The following DDB1 variants were observed in gnomAD, a reference collection of about 807,000 sequenced individuals.
The protein encoded by DDB1 is DNA damage-binding protein 1.
In DDB1, 18 loss-of-function variants were observed where a neutral mutation model predicts 133.1. The observed-to-expected ratio is 0.14, with a 90% CI of 0.09 to 0.20. The LOEUF is 0.20. Ranked by LOEUF, DDB1 falls within the 10% of genes least tolerant of loss-of-function variation. The pLI is 1.00. For synonymous variants in DDB1, 580 were observed against 550.5 expected (o/e 1.05, Z -0.75); for missense variants, 828 against 1,459.2 (o/e 0.57, Z 7.05).
chr11:61,314,420 G>C lies in DDB1; in HGVS notation c.1477C>G (p.Pro493Ala), dbSNP rs1378513261. 2 of 1,614,064 alleles carry C rather than the reference G, an allele frequency of 1.2e-6. No homozygotes were observed. Among genetic ancestry groups the C allele is most frequent in the African/African-American group, 1.3e-5 (1 of 74,916 alleles). ...PKALVSEWKE[P>A]QAKNISVASC... Reference sequence around the variant, plus strand: ...GCCACACTGATGTTCTTGGCCTGAGGCTCCTTCCATTCACTGACCAGAGCT... The same window carrying C: ...GCCACACTGATGTTCTTGGCCTGAGCCTCCTTCCATTCACTGACCAGAGCT... Residue 493 changes from proline to alanine, a missense_variant, in exon 13 of 27, where the codon CCT becomes GCT. Physicochemically the swap from Pro to Ala is conservative, Grantham distance 27. Around this residue, in one of 7 missense-constraint regions of DDB1, gnomAD observed 396 missense variants for 554.1 expected, o/e 0.71. Transcript: ENST00000301764.
intron 16 of DDB1, 147 bp downstream of exon 16, chr11:61,313,352 G>T (rs1024138839): frequency 3.5e-5 from 25 of 706,834 alleles, no homozygotes; most frequent in Non-Finnish European, 5.1e-5. Flanking sequence ...TTTCTATTGG[G>T]TAGCCAGTTT....
chr11:61,329,828 C>T (rs1217168649), intron 3 of DDB1, 130 bp downstream of exon 3: 9 of 866,266 alleles, frequency 1.0e-5, no homozygotes, highest in African/African-American at 1.7e-5. Flanking sequence ...CTCCAAAAAG[C>T]TCAAACCCAT....
chr11:61,304,596 C>G lies in DDB1; in HGVS notation c.2662-561G>C, dbSNP rs376942706. ...AAGAGGGAAAAAGAAACTGTGCAGC[C>G]GGCCGCAGTGGCTCACGCCTGTAAT... On this transcript the variant is annotated intron_variant, in intron 21 of 26. Coordinates refer to ENST00000301764, the MANE Select transcript of DDB1 (RefSeq NM_001923.5). Among the ~76,000 whole-genome samples, 37 of 152,260 alleles carry G rather than the reference C, an allele frequency of 2.4e-4. No homozygotes were observed. The East Asian group carries it at 2.5e-3, about 10-fold the overall frequency.
intron 8 of DDB1, 191 bp downstream of exon 8, chr11:61,322,820 C>CA: frequency 1.7e-6 from 1 of 594,154 alleles, no homozygotes; most frequent in Non-Finnish European, 3.0e-6. Flanking sequence ...CCTTGCCTGG[C>CA]AAATTTGCTG....
intron 2 of DDB1, 55 bp from the exon 3 acceptor site, chr11:61,330,129 T>A: frequency 6.9e-7 from 1 of 1,439,950 alleles, no homozygotes. Flanking sequence ...AGGAACAACC[T>A]GTCCAGTCTT....
In DDB1 at chr11:61,333,040, T is replaced by C. The variant is rs550360727; in HGVS notation, c.-72A>G. The stretch of plus-strand genomic sequence containing the variant: ...AGAGGGACACAAGCGAAAAGACAGG[T>C]GGCCCCCAACAGCGCGCAGCGAACT... On this transcript the variant is annotated 5_prime_UTR_variant, in exon 1 of 27. Transcript: ENST00000301764. 9.4e-6 allele frequency: 13 copies of C among 1,380,724 alleles called. No homozygotes were observed. Among genetic ancestry groups the C allele is most frequent in the African/African-American group, 3.0e-5 (2 of 66,226 alleles). The allele number at this position is 1,380,724 out of a possible 1,614,324, so 85.5% of individuals were successfully genotyped here.
At chr11:61,328,376 C>T (rs976973619) in intron 4 of DDB1, among the ~76,000 whole-genome samples, 1 of 152,188 alleles carries the variant, frequency 6.6e-6, no homozygotes, top group Non-Finnish European at 1.5e-5. Flanking sequence ...ACTATCATTT[C>T]CTTCCATCAC....
chr11:61,311,844 G>A lies in DDB1; in HGVS notation c.2217C>T (p.Arg739=), dbSNP rs1855978370. The change falls in exon 18 of 27, where the codon CGC becomes CGT. Residue 739 remains arginine, a synonymous_variant. Transcript: ENST00000301764. ...VSQCFGVLSS[R]IEVQDTSGGT... ...CCCCACTCGTGTCTTGGACTTCAAT[G>A]CGGCTGGAGAGGACCCCGAAACACT... is the stretch of plus-strand genomic sequence containing the variant. The A allele has an allele frequency of 6.2e-7, 1 of 1,614,110 alleles. No homozygotes were observed. The highest frequency in any genetic ancestry group is 2.2e-5 in the East Asian group (1 of 44,882).
Position 61,330,056 on chromosome 11 carries a change from G to C in DDB1, c.229C>G (p.Leu77Val). The C allele has an allele frequency of 6.2e-7, 1 of 1,613,208 alleles. No individual in the cohort carries two copies. The highest frequency in any genetic ancestry group is 8.5e-7 in the Non-Finnish European group (1 of 1,179,344). The stretch of plus-strand genomic sequence containing the variant: ...TTGTACTTCGCTGTCAAGATAAACA[G>C]CAGGTCCTTGCTCTCCCCCTGGAAA... ...FRPKGESKDLLFILTAKYNAC... is the reference protein window; with the variant it reads ...FRPKGESKDLVFILTAKYNAC... The change falls in exon 3 of 27, where the codon CTG (leucine) becomes GTG (valine). Residue 77 changes from leucine to valine, a missense_variant. Physicochemically the swap from Leu to Val is conservative, Grantham distance 32. Coordinates refer to ENST00000301764, the MANE Select transcript of DDB1 (RefSeq NM_001923.5).
At chr11:61,308,945 G>T (rs749021718) in intron 21 of DDB1, 38 bp downstream of exon 21, 5 of 1,594,548 alleles carry the variant, frequency 3.1e-6, no homozygotes, top group Non-Finnish European at 4.3e-6. Context: ...GACAATGATG[G>T]GCAGCCTAAA....
intron 21 of DDB1, among the ~76,000 whole-genome samples, chr11:61,305,721 G>A (rs1855872961): frequency 6.6e-6 from 1 of 152,102 alleles, no homozygotes; most frequent in African/African-American, 2.4e-5. Context: ...TCGCCTTGGA[G>A]AGAGTCAAGA....
chr11:61,308,003 G>T (rs919989912), intron 21 of DDB1, among the ~76,000 whole-genome samples: 1 of 152,022 alleles, frequency 6.6e-6, no homozygotes, highest in Non-Finnish European at 1.5e-5. Context: ...CTCTTATACC[G>T]CTGCTTCTAC....
rs1856025092 is a variant in DDB1, at chr11:61,314,146, G to A, written c.1654C>T (p.Leu552=). ...DITPLGDSNG[L]SPLCAIGLWT... ...AGGCCAATGGCACAAAGAGGGGACA[G>A]TCCATTGCTGTCTCCTAATGGGGTG... The change falls in exon 14 of 27, where the codon CTG becomes TTG. Residue 552 remains leucine, a synonymous_variant. Transcript: ENST00000301764. The A allele has an allele frequency of 3.1e-6, 5 of 1,613,960 alleles. No homozygotes were observed. The highest frequency in any genetic ancestry group is 4.2e-6 in the Non-Finnish European group (5 of 1,179,916).
chr11:61,331,939 T>C lies in DDB1; in HGVS notation c.62-248A>G. On this transcript the variant is annotated intron_variant, in intron 1 of 26. Coordinates refer to ENST00000301764, the MANE Select transcript of DDB1 (RefSeq NM_001923.5). ...GACTGGACCTAAGAGCCGTGTGTCC[T>C]CCAAATGACAATGACTGCGTAATCC... The C allele has an allele frequency of 1.3e-5, 6 of 458,390 alleles. No individual in the cohort carries two copies. The South Asian group carries it at 1.7e-4, about 13-fold the overall frequency. The allele number at this position is 458,390 out of a possible 1,614,324, so 28.4% of individuals were successfully genotyped here.
intron 10 of DDB1, among the ~76,000 whole-genome samples, chr11:61,316,989 A>ATG (rs1384158307): frequency 1.2e-5 from 1 of 86,604 alleles, no homozygotes; most frequent in East Asian, 3.3e-4. Flanking sequence ...ATATATATAT[A>ATG]TATATATATA....
At chr11:61,319,845 G>C (rs1304941988) in intron 10 of DDB1, among the ~76,000 whole-genome samples, 1 of 152,214 alleles carries the variant, frequency 6.6e-6, no homozygotes, top group Non-Finnish European at 1.5e-5. Flanking sequence ...AATATAAAGA[G>C]AGAACAGCTT....
intron 8 of DDB1, 60 bp downstream of exon 8, chr11:61,322,951 A>C: frequency 7.2e-7 from 1 of 1,395,318 alleles, no homozygotes; most frequent in South Asian, 1.2e-5. Context: ...ACATAGGAGA[A>C]ATTTGATGAA....
At chr11:61,309,666 G>C in intron 20 of DDB1, 130 bp downstream of exon 20, 4 of 907,976 alleles carry the variant, frequency 4.4e-6, no homozygotes, top group Non-Finnish European at 5.0e-6. Context: ...ATAAAGAAGA[G>C]AATAGCTCTT....
chr11:61,304,626 G>A (rs1464580474), intron 21 of DDB1, among the ~76,000 whole-genome samples: 2 of 152,130 alleles, frequency 1.3e-5, no homozygotes, highest in African/African-American at 2.4e-5. Context: ...TGTAATCCCA[G>A]CACTTTGGGA....
Sources: allele counts gnomAD v4.1 joint callset (sites outside exome capture counted in the v4.1 genomes callset), GRCh38; gene constraint gnomAD v4.1.1; regional missense constraint gnomAD v4.1.1; transcripts MANE v1.5; gene names NCBI Gene and HGNC (gene_info 2026-07-23, HGNC 2026-07-21).